The following AKT3 variants were observed in gnomAD, a reference collection of about 807,000 sequenced individuals.
AKT3 encodes the protein RAC-gamma serine/threonine-protein kinase.
In AKT3, 15 loss-of-function variants were observed where a neutral mutation model predicts 65.3. The ratio of observed to expected loss-of-function variants is 0.23; its 90% CI spans 0.15 to 0.35. The LOEUF is 0.35. AKT3 is among the 10% of genes least tolerant of loss of function. AKT3 has a pLI of 1.00. For missense variants in AKT3, 243 were observed against 576.5 expected, an observed-to-expected ratio of 0.42 and a Z score of 5.92; for synonymous variants, 206 against 183.8, an observed-to-expected ratio of 1.12 and a Z score of -0.98.
chr1:243,808,730 A>G (rs986133673), intron 2 of AKT3, among the ~76,000 whole-genome samples: 1 of 152,208 alleles, frequency 6.6e-6, no homozygotes, highest in Admixed American at 6.5e-5. Context: ...CATAATTGTC[A>G]GATTCGCCAA....
At chr1:243,726,197 G>T (rs1008531340) in intron 2 of AKT3, among the ~76,000 whole-genome samples, 1 of 152,086 alleles carries the variant, frequency 6.6e-6, no homozygotes. Context: ...GTTAACCCAC[G>T]CCCCAATATG....
intron 2 of AKT3, among the ~76,000 whole-genome samples, chr1:243,824,717 C>A (rs1279429786): frequency 6.6e-6 from 1 of 152,022 alleles, no homozygotes. Flanking sequence ...CCACCTCACA[C>A]CAGTCAGAAT....
intron 9 of AKT3, among the ~76,000 whole-genome samples, chr1:243,565,135 C>T (rs2148490827): frequency 6.6e-6 from 1 of 152,286 alleles, no homozygotes; most frequent in East Asian, 1.9e-4. Context: ...GCTTGATATA[C>T]ATTTCATGTA....
chr1:243,685,194 T>C (rs1572167613), intron 3 of AKT3, among the ~76,000 whole-genome samples: 2 of 152,224 alleles, frequency 1.3e-5, no homozygotes, highest in South Asian at 4.1e-4. Context: ...TTGTTGCCAT[T>C]GCTTTTGGTG....
upstream of AKT3, chr1:243,851,021 G>A (rs1485667916): frequency 6.6e-6 from 1 of 152,320 alleles, no homozygotes; most frequent in African/African-American, 2.4e-5. Flanking sequence ...GCCCCTTGGG[G>A]AGATGGGCCC....
At chr1:243,563,587 C>A in intron 10 of AKT3, 133 bp downstream of exon 10, 1 of 1,120,486 alleles carries the variant, frequency 8.9e-7, no homozygotes, top group Non-Finnish European at 1.2e-6. Context: ...AAATTAAGAG[C>A]CAAAAAATTT....
chr1:243,747,479 C>A (rs534098989), intron 2 of AKT3, among the ~76,000 whole-genome samples: 50 of 152,142 alleles, frequency 3.3e-4, no homozygotes, highest in Middle Eastern at 6.8e-3. Flanking sequence ...AATTACATTG[C>A]CATTGCTGCT....
intron 3 of AKT3, among the ~76,000 whole-genome samples, chr1:243,672,172 T>C (rs1027788378): frequency 2.0e-5 from 3 of 152,228 alleles, no homozygotes; most frequent in African/African-American, 7.2e-5. Flanking sequence ...AGCAGGATGC[T>C]GATCCTTGAC....
downstream of AKT3, among the ~76,000 whole-genome samples, chr1:243,495,757 C>T (rs1258484812): frequency 6.6e-6 from 1 of 152,196 alleles, no homozygotes; most frequent in African/African-American, 2.4e-5. Flanking sequence ...ATGCTGAGGG[C>T]ACCTCTCTCC....
chr1:243,569,349 T>A (rs1674389366), intron 9 of AKT3, among the ~76,000 whole-genome samples: 1 of 152,180 alleles, frequency 6.6e-6, no homozygotes, highest in African/African-American at 2.4e-5. Flanking sequence ...AGGTACATAG[T>A]CCAATACCAG....
intron 2 of AKT3, among the ~76,000 whole-genome samples, chr1:243,771,866 G>T (rs1292740978): frequency 6.6e-6 from 1 of 152,088 alleles, no homozygotes; most frequent in East Asian, 1.9e-4. Context: ...ACAGAACAGA[G>T]CCCTCAGAAA....
chr1:243,583,986 C>G (rs147137567), intron 8 of AKT3, among the ~76,000 whole-genome samples: 6 of 151,630 alleles, frequency 4.0e-5, no homozygotes, highest in African/African-American at 7.3e-5. Context: ...CAGAATGGAA[C>G]GAAATTAAGA....
chr1:243,529,385 T>C (rs1247232578), intron 12 of AKT3, among the ~76,000 whole-genome samples: 1 of 152,182 alleles, frequency 6.6e-6, no homozygotes, highest in Non-Finnish European at 1.5e-5. Flanking sequence ...CAGAATGGTA[T>C]TTCCTAGGTT....
intron 8 of AKT3, among the ~76,000 whole-genome samples, chr1:243,581,487 A>G (rs1358499007): frequency 6.6e-6 from 1 of 152,080 alleles, no homozygotes; most frequent in Non-Finnish European, 1.5e-5. Flanking sequence ...AAAGTCAAAG[A>G]CCCTACCCAG....
In AKT3 at chr1:243,710,077, C is replaced by T. The variant is rs193013985; in HGVS notation, c.47-14361G>A. 1.5e-3 allele frequency among the ~76,000 whole-genome samples: 222 copies of T among 152,180 alleles called. 2 individuals are homozygous for T. In the East Asian group the frequency reaches 0.02, roughly 14 times the overall value. ...GTCAGACAGTGAAATACTCTGTTTT[C>T]AACATACTGGCCAATATTTTTAAAA... is the stretch of plus-strand genomic sequence containing the variant. On this transcript the variant is annotated intron_variant, in intron 2 of 13. Transcript: ENST00000673466.
At chr1:243,572,832 C>T (rs1233722557) in intron 9 of AKT3, 94 bp downstream of exon 9, 12 of 1,285,410 alleles carry the variant, frequency 9.3e-6, no homozygotes, top group Non-Finnish European at 1.1e-5. Context: ...ACTAAATCTG[C>T]TTTTCTCAAA....
intron 9 of AKT3, among the ~76,000 whole-genome samples, chr1:243,564,450 T>G (rs1315971258): frequency 6.6e-6 from 1 of 152,146 alleles, no homozygotes; most frequent in Non-Finnish European, 1.5e-5. Flanking sequence ...TAAAAATATA[T>G]AGCATAAATG....
chr1:243,675,951 A>G (rs771705548), intron 3 of AKT3, among the ~76,000 whole-genome samples: 6 of 152,252 alleles, frequency 3.9e-5, no homozygotes, highest in Non-Finnish European at 8.8e-5. Context: ...TAATTACACA[A>G]TATTTGTTAG....
chr1:243,764,501 T>G (rs1328851595), intron 2 of AKT3, among the ~76,000 whole-genome samples: 1 of 152,062 alleles, frequency 6.6e-6, no homozygotes, highest in African/African-American at 2.4e-5. Flanking sequence ...AATACGTTGG[T>G]AGGAAATAGC....
Sources: allele counts gnomAD v4.1 joint callset (sites outside exome capture counted in the v4.1 genomes callset), GRCh38; gene constraint gnomAD v4.1.1; transcripts MANE v1.5; gene names NCBI Gene and HGNC (gene_info 2026-07-23, HGNC 2026-07-21).